Variants in LRP1B observed in about 807,000 individuals in gnomAD.
LRP1B encodes LDL receptor related protein 1B.
In LRP1B, 217 loss-of-function variants were observed where a neutral mutation model predicts 556.6. The ratio of observed to expected loss-of-function variants is 0.39; its 90% CI spans 0.35 to 0.44. The LOEUF is 0.44. Ranked by LOEUF, LRP1B falls within the 20% of genes least tolerant of loss-of-function variation. The pLI is 1.00. For synonymous variants in LRP1B, 2,047 were observed against 1,865.8 expected, an observed-to-expected ratio of 1.10 and a Z score of -2.50; for missense variants, 5,053 against 5,620.8, an observed-to-expected ratio of 0.90 and a Z score of 3.23.
chr2:140,278,973 T>C lies in LRP1B; in HGVS notation c.12968-4375A>G, dbSNP rs1423169352. On this transcript the variant is annotated intron_variant, in intron 84 of 90. Transcript: ENST00000389484. ...CTTAATATTTGAAGCATGTGGAAGC[T>C]GCTGAGTTAGATGTTTGACTGGACT... Among the ~76,000 whole-genome samples the C allele has an allele frequency of 2.0e-5, 3 of 151,964 alleles. No homozygotes were observed. In the East Asian group the frequency reaches 5.8e-4, roughly 30 times the overall value.
chr2:140,617,292 CACAGATAACTGTA>C (rs1683290766), intron 41 of LRP1B, among the ~76,000 whole-genome samples: 1 of 151,940 alleles, frequency 6.6e-6, no homozygotes, highest in Non-Finnish European at 1.5e-5. Flanking sequence ...CTAAATATCA[CACAGATAACTGTA>C]ACTGCATTTT....
chr2:140,760,849 A>G (rs1688896005), intron 35 of LRP1B, among the ~76,000 whole-genome samples: 2 of 152,204 alleles, frequency 1.3e-5, no homozygotes, highest in African/African-American at 4.8e-5. Flanking sequence ...AGATCACACC[A>G]TCGCATTCCA....
At chr2:141,156,529 G>C (rs892582644) in intron 7 of LRP1B, among the ~76,000 whole-genome samples, 6 of 151,926 alleles carry the variant, frequency 3.9e-5, no homozygotes, top group Admixed American at 6.6e-5. Context: ...TTGGGAGGCT[G>C]AGGCAGGAGA....
At chr2:141,773,309 A>T (rs1694959825) in intron 2 of LRP1B, among the ~76,000 whole-genome samples, 1 of 152,184 alleles carries the variant, frequency 6.6e-6, no homozygotes. Context: ...TTGTTAATGA[A>T]ATTTAAAATT....
At chr2:140,292,535 C>T (rs1475883465) in intron 84 of LRP1B, among the ~76,000 whole-genome samples, 4 of 152,114 alleles carry the variant, frequency 2.6e-5, no homozygotes, top group Non-Finnish European at 4.4e-5. Context: ...CCTTTCTCAT[C>T]TCCTTAGCTT....
chr2:141,878,396 T>G (rs1201721382), intron 1 of LRP1B, among the ~76,000 whole-genome samples: 1 of 150,868 alleles, frequency 6.6e-6, no homozygotes, highest in Non-Finnish European at 1.5e-5. Context: ...ACAAAACACA[T>G]GCACACACAC....
chr2:140,276,432 C>A (rs776113343), intron 84 of LRP1B, among the ~76,000 whole-genome samples: 1 of 151,832 alleles, frequency 6.6e-6, no homozygotes, highest in Non-Finnish European at 1.5e-5. Flanking sequence ...AGTTGGAGAT[C>A]TGAAATTTAA....
chr2:141,850,459 A>T (rs531876740), intron 1 of LRP1B, among the ~76,000 whole-genome samples: 1 of 151,618 alleles, frequency 6.6e-6, no homozygotes, highest in African/African-American at 2.4e-5. Flanking sequence ...CAACATTATG[A>T]GTTTTTAACT....
Position 141,058,911 on chromosome 2 carries a change from T to C in LRP1B, c.1380A>G (p.Arg460=). 6.3e-7 allele frequency: 1 copy of C among 1,591,546 alleles called. No individual in the cohort carries two copies. Among genetic ancestry groups the C allele is most frequent in the East Asian group, 2.3e-5 (1 of 44,376 alleles). Residue 460 remains arginine, a synonymous_variant, in exon 9 of 91, where the codon CGA becomes CGG. Transcript: ENST00000389484. ...TTGGTTGAGTTCTTTTTTGATAAAT[T>C]CGGATTCCCCAAGCATTCTCAATTT... is the stretch of plus-strand genomic sequence containing the variant. ...LIKIENAWGI[R]IYQKRTQPTV...
intron 34 of LRP1B, 49 bp downstream of exon 34, chr2:140,770,832 G>C (rs2104938519): frequency 6.8e-7 from 1 of 1,478,494 alleles, no homozygotes; most frequent in Non-Finnish European, 9.0e-7. Context: ...GGTATGTAAT[G>C]ATTAGTGAAG....
chr2:140,338,524 G>A (rs1474705034), intron 77 of LRP1B, among the ~76,000 whole-genome samples: 1 of 151,594 alleles, frequency 6.6e-6, no homozygotes, highest in East Asian at 1.9e-4. Context: ...AGCTTCACAG[G>A]AATGAAATAA....
chr2:141,804,349 CAATT>C (rs1407364301), intron 2 of LRP1B, among the ~76,000 whole-genome samples: 2 of 151,968 alleles, frequency 1.3e-5, no homozygotes, highest in Non-Finnish European at 2.9e-5. Flanking sequence ...ACTTCAGTGT[CAATT>C]AATATTTTTG....
chr2:141,941,847 T>G (rs544617853), intron 1 of LRP1B, among the ~76,000 whole-genome samples: 4 of 152,338 alleles, frequency 2.6e-5, no homozygotes, highest in Admixed American at 6.5e-5. Flanking sequence ...TTGGAAAAAG[T>G]TACGTGCATC....
intron 1 of LRP1B, among the ~76,000 whole-genome samples, chr2:141,963,124 A>G (rs1342765732): frequency 1.3e-5 from 2 of 151,858 alleles, no homozygotes; most frequent in Admixed American, 1.3e-4. Context: ...AAACTTATAT[A>G]TTTATCAAAT....
At chr2:142,009,737 ATGTG>A (rs1362906652) in intron 1 of LRP1B, among the ~76,000 whole-genome samples, 2 of 152,154 alleles carry the variant, frequency 1.3e-5, no homozygotes, top group Non-Finnish European at 2.9e-5. Flanking sequence ...GTATGCATGC[ATGTG>A]TATTTTATGT....
chr2:141,035,218 G>T (rs1195828705), intron 11 of LRP1B, among the ~76,000 whole-genome samples: 3 of 151,884 alleles, frequency 2.0e-5, no homozygotes, highest in Middle Eastern at 3.4e-3. Context: ...GGTGGGGGAA[G>T]GGGGGAGGGA....
intron 3 of LRP1B, among the ~76,000 whole-genome samples, chr2:141,355,909 C>A (rs1688610841): frequency 6.6e-6 from 1 of 152,036 alleles, no homozygotes; most frequent in Non-Finnish European, 1.5e-5. Flanking sequence ...ATTTGTCATG[C>A]TTTTTGACTG....
intron 41 of LRP1B, among the ~76,000 whole-genome samples, chr2:140,612,421 T>A (rs1200199113): frequency 1.3e-5 from 2 of 152,140 alleles, no homozygotes; most frequent in Non-Finnish European, 2.9e-5. Flanking sequence ...AATCTCCGTT[T>A]CCTTCCTTCA....
chr2:140,266,960 A>C, intron 86 of LRP1B, among the ~76,000 whole-genome samples: 1 of 152,106 alleles, frequency 6.6e-6, no homozygotes, highest in Non-Finnish European at 1.5e-5. Context: ...GCAGTGTAAG[A>C]GTTATAACCA....
Sources: gnomAD v4.1 joint callset for allele counts (sites outside exome capture counted in the v4.1 genomes callset) on GRCh38, gnomAD v4.1.1 for gene constraint, MANE v1.5 for transcripts, NCBI Gene and HGNC (gene_info 2026-07-23, HGNC 2026-07-21) for gene names.